Variants in ADGB observed in about 807,000 individuals in gnomAD.
ADGB encodes the protein calpain-7-like protein.
In ADGB, 172 loss-of-function variants were observed where a neutral mutation model predicts 210.5. The observed-to-expected ratio is 0.82, with a 90% CI of 0.72 to 0.93. The LOEUF (loss-of-function observed/expected upper bound fraction) is 0.93. Ranked by LOEUF, ADGB falls within the 40% of genes least tolerant of loss-of-function variation. ADGB has a pLI of 0.00. For synonymous variants in ADGB, 658 were observed against 662.7 expected (o/e 0.99, Z 0.11); for missense variants, 2,025 against 1,964.8 (o/e 1.03, Z -0.58).
rs1249502577 is a variant in ADGB at position 146,717,613 on chromosome 6, A to G, written c.1992+14A>G. The G allele has an allele frequency of 2.2e-6, 3 of 1,351,812 alleles. No homozygotes were observed. The allele number at this position is 1,351,812 out of a possible 1,614,324, so 83.7% of individuals were successfully genotyped here. ...TCAGAATTTAAGGTAAGTATGTTAG[A>G]ATCTTTTCTATTCTCTTTAAATTTT... On this transcript the variant is annotated intron_variant, in intron 16 of 35. Coordinates refer to ENST00000397944, the MANE Select transcript of ADGB (RefSeq NM_024694.4).
chr6:146,644,723 T>C, intron 2 of ADGB, 50 bp from the exon 3 acceptor site: 1 of 1,129,182 alleles, frequency 8.9e-7, no homozygotes, highest in Non-Finnish European at 1.2e-6. Context: ...AATTGTTTTT[T>C]TATTTTAATA....
intron 7 of ADGB, among the ~76,000 whole-genome samples, chr6:146,669,965 C>A (rs150079256): frequency 6.6e-6 from 1 of 152,144 alleles, no homozygotes; most frequent in African/African-American, 2.4e-5. Context: ...TTTATTCAAG[C>A]TAAAGAAAAA....
intron 7 of ADGB, among the ~76,000 whole-genome samples, chr6:146,667,638 G>T (rs894594919): frequency 6.6e-6 from 1 of 151,844 alleles, no homozygotes; most frequent in Non-Finnish European, 1.5e-5. Flanking sequence ...TTTAAACAAT[G>T]GTAATTATTT....
chr6:146,808,211 G>A (rs570719716), intron 35 of ADGB, among the ~76,000 whole-genome samples: 2 of 152,222 alleles, frequency 1.3e-5, no homozygotes, highest in East Asian at 3.9e-4. Context: ...TGTTGGCCAG[G>A]CTGGTCGCGA....
chr6:146,812,870 G>A (rs1778322746), intron 35 of ADGB, among the ~76,000 whole-genome samples: 1 of 152,170 alleles, frequency 6.6e-6, no homozygotes, highest in Admixed American at 6.5e-5. Flanking sequence ...TATGGGGTCG[G>A]ACAAATGTGC....
intron 23 of ADGB, 109 bp from the exon 24 acceptor site, chr6:146,740,350 C>A (rs1777146844): frequency 2.0e-6 from 2 of 999,266 alleles, no homozygotes; most frequent in South Asian, 1.8e-5. Flanking sequence ...ATCTAGCCAA[C>A]AATGACTTGC....
chr6:146,600,119 C>T (rs1003903675), intron 1 of ADGB, among the ~76,000 whole-genome samples: 3 of 152,068 alleles, frequency 2.0e-5, no homozygotes, highest in Admixed American at 6.6e-5. Flanking sequence ...TCTCTAGTCC[C>T]TTAGTTCTAA....
intron 12 of ADGB, among the ~76,000 whole-genome samples, chr6:146,695,190 G>C (rs1776386487): frequency 6.6e-6 from 1 of 152,066 alleles, no homozygotes; most frequent in Admixed American, 6.6e-5. Flanking sequence ...TCAGTGATTG[G>C]CTTAGTTGTA....
chr6:146,703,777 ATC>A (rs1776528145), intron 13 of ADGB, among the ~76,000 whole-genome samples: 2 of 151,808 alleles, frequency 1.3e-5, no homozygotes, highest in Non-Finnish European at 2.9e-5. Context: ...GAAGGCAGGT[ATC>A]TCTTTCTTCT....
At position 146,647,058 on chromosome 6, in the gene ADGB, C is replaced by T. The variant is rs190465628; in HGVS notation, c.330+2193C>T. Among the ~76,000 whole-genome samples the T allele has an allele frequency of 2.4e-3, 355 of 147,866 alleles. 1 individual carries two copies. Among genetic ancestry groups the T allele is most frequent in the Non-Finnish European group, 4.2e-3 (285 of 67,154 alleles). Reference sequence around the variant, plus strand: ...GAGCCAAGATTGCGCCACTGCACTCCAGCCTGGGTGACAGAGTGAGAGCCT... The same window carrying T: ...GAGCCAAGATTGCGCCACTGCACTCTAGCCTGGGTGACAGAGTGAGAGCCT... On this transcript the variant is annotated intron_variant, in intron 3 of 35. Transcript: ENST00000397944.
chr6:146,662,806 C>A lies in ADGB; in HGVS notation c.613-1395C>A, dbSNP rs188753746. On this transcript the variant is annotated intron_variant, in intron 5 of 35. Transcript: ENST00000397944. ...AAGGCACATCCTGGCTCACATTTAT[C>A]GGCTGTGTCTCAAATGCCAGTTTAG... Among the ~76,000 whole-genome samples, 276 of 151,488 alleles carry A rather than the reference C, an allele frequency of 1.8e-3. 2 individuals are homozygous for A. Among genetic ancestry groups the A allele is most frequent in the African/African-American group, 6.4e-3 (263 of 41,406 alleles).
chr6:146,691,501 T>TATATA (rs34082930), intron 11 of ADGB, among the ~76,000 whole-genome samples: 5 of 15,228 alleles, frequency 3.3e-4, no homozygotes, highest in Admixed American at 2.1e-3. Context: ...TATATATATA[T>TATATA]TTTTTTTTTT....
rs904677274 is a variant in ADGB at position 146,658,741 on chromosome 6, A to G, written c.612+1761A>G. Among the ~76,000 whole-genome samples, 3 of 152,176 alleles carry G rather than the reference A, an allele frequency of 2.0e-5. No homozygotes were observed. The East Asian group carries it at 5.8e-4, about 29-fold the overall frequency. ...GATTCAGAAATTTGTTTAAAAATGT[A>G]TTGAGCCCACTTTGGAAATCTCAGT... On this transcript the variant is annotated intron_variant, in intron 5 of 35. Transcript: ENST00000397944.
chr6:146,599,131 T>C lies in ADGB; in HGVS notation c.74+17T>C. The C allele has an allele frequency of 6.5e-7, 1 of 1,549,058 alleles. No homozygotes were observed. The highest frequency in any genetic ancestry group is 1.7e-4 in the Middle Eastern group (1 of 5,990). ...ATCGAAAGAGTAAGGGACCTCTGCC[T>C]GTCCGTCCCTCCCCTGGCCTAGCCC... On this transcript the variant is annotated intron_variant, in intron 1 of 35. Transcript: ENST00000397944.
In ADGB at chr6:146,700,852, T is replaced by C. The variant is rs551119934; in HGVS notation, c.1578-89T>C. 193 of 1,411,644 alleles carry C rather than the reference T, an allele frequency of 1.4e-4. 1 individual carries two copies. In the South Asian group the frequency reaches 2.6e-3, roughly 19 times the overall value. 87.4% of individuals were successfully genotyped at this position (1,411,644 alleles called of 1,614,324 possible). On this transcript the variant is annotated intron_variant, in intron 12 of 35. Coordinates refer to ENST00000397944, the MANE Select transcript of ADGB (RefSeq NM_024694.4). ...GACAAATAGAACACAATCAGAACTT[T>C]CTATTGTTGACAAAAATGCAGTTAT... is the stretch of plus-strand genomic sequence containing the variant.
In ADGB at chr6:146,733,995, C is replaced by CTT. The variant is rs1209402550; in HGVS notation, c.2760_2761dup (p.Tyr921PhefsTer7). On this transcript the variant is annotated frameshift_variant, in exon 22 of 36. Coordinates refer to ENST00000397944, the MANE Select transcript of ADGB (RefSeq NM_024694.4). LOFTEE classifies it high-confidence loss of function. ...AAAATTCAAGCCATGTGGAGAGGAACTTACGTTAGATTGCTTATGAAAGCC... is the reference window on the plus strand; with the variant it reads ...AAAATTCAAGCCATGTGGAGAGGAACTTTTACGTTAGATTGCTTATGAAAGCC... The CTT allele has an allele frequency of 6.4e-7, 1 of 1,551,512 alleles. No individual in the cohort carries two copies. Among genetic ancestry groups the CTT allele is most frequent in the Admixed American group, 2.0e-5 (1 of 50,986 alleles).
chr6:146,801,206 C>T lies in ADGB; in HGVS notation c.4561C>T (p.Pro1521Ser). 3 of 1,501,646 alleles carry T rather than the reference C, an allele frequency of 2.0e-6. No individual in the cohort carries two copies. The South Asian group carries it at 4.0e-5, about 20-fold the overall frequency. The allele number at this position is 1,501,646 out of a possible 1,614,324, so 93.0% of individuals were successfully genotyped here. Residue 1521 changes from proline to serine, a missense_variant, in exon 34 of 36, where the codon CCA becomes TCA. Pro to Ser is a moderately conservative substitution (Grantham distance 74). Transcript: ENST00000397944. ...AGAAACAGGACCTCGTACACGATCTCCAACAATTTTGGAAACATCTCCACG... is the reference window on the plus strand; with the variant it reads ...AGAAACAGGACCTCGTACACGATCTTCAACAATTTTGGAAACATCTCCACG... ...NIQTGPRTRS[P>S]TILETSPRLI...
intron 31 of ADGB, 121 bp from the exon 32 acceptor site, chr6:146,785,489 C>T: frequency 1.7e-6 from 1 of 597,586 alleles, no homozygotes; most frequent in African/African-American, 1.8e-5. Context: ...TTCATTTAGA[C>T]TGCCCTATTT....
intron 4 of ADGB, 113 bp from the exon 5 acceptor site, chr6:146,656,658 A>C (rs940960876): frequency 4.3e-6 from 3 of 703,762 alleles, no homozygotes; most frequent in Non-Finnish European, 6.8e-6. Context: ...AATACATTAC[A>C]TGTATAATTT....
Sources: gnomAD v4.1 joint callset for allele counts (sites outside exome capture counted in the v4.1 genomes callset) on GRCh38, gnomAD v4.1.1 for gene constraint, MANE v1.5 for transcripts, NCBI Gene and HGNC (gene_info 2026-07-23, HGNC 2026-07-21) for gene names.